LOXHD1: variants seen among roughly 807,000 people sequenced by gnomAD.
LOXHD1 encodes lipoxygenase homology domain-containing protein 1.
LOXHD1 carries 205 observed loss-of-function variants against 248.2 expected under a neutral mutation model. The observed-to-expected ratio is 0.83, with a 90% confidence interval of 0.74 to 0.93. The LOEUF is 0.93. Among genes scored for constraint, LOXHD1 ranks in the 40% least tolerant of loss-of-function variants. The probability of loss-of-function intolerance (pLI) is 0.00; values close to 1 mark genes in which losing one functional copy is unlikely to be tolerated. For missense variants in LOXHD1, 2,930 were observed against 2,971.6 expected (o/e 0.99, Z 0.33); for synonymous variants, 1,113 against 1,162.8 (o/e 0.96, Z 0.87).
At chr18:46,576,834 TGC>T (rs2037866280) in intron 14 of LOXHD1, among the ~76,000 whole-genome samples, 1 of 152,144 alleles carries the variant, frequency 6.6e-6, no homozygotes, top group Non-Finnish European at 1.5e-5. Context: ...CCTGTGTGTG[TGC>T]GCCTGTAGGC....
intron 34 of LOXHD1, among the ~76,000 whole-genome samples, chr18:46,514,490 C>T (rs1360476632): frequency 3.9e-5 from 6 of 152,184 alleles, no homozygotes. Context: ...AGCTTTATTG[C>T]TAAAAAGACT....
chr18:46,513,301 C>T (rs1480353877), intron 34 of LOXHD1, among the ~76,000 whole-genome samples: 2 of 152,178 alleles, frequency 1.3e-5, no homozygotes, highest in Non-Finnish European at 2.9e-5. Flanking sequence ...TGGATTGTAG[C>T]CCCTGTGGTA....
chr18:46,645,624 A>G (rs1393074661), intron 2 of LOXHD1, among the ~76,000 whole-genome samples: 1 of 152,118 alleles, frequency 6.6e-6, no homozygotes, highest in African/African-American at 2.4e-5. Flanking sequence ...GTGGGTGCTT[A>G]ACTGGGGTGG....
At chr18:46,647,085 T>C (rs1458018877) in intron 2 of LOXHD1, among the ~76,000 whole-genome samples, 1 of 152,206 alleles carries the variant, frequency 6.6e-6, no homozygotes, top group Non-Finnish European at 1.5e-5. Flanking sequence ...ATGGTCCATA[T>C]ATAGGCAGAG....
At chr18:46,591,823 G>C (rs895725678) in intron 12 of LOXHD1, 110 bp downstream of exon 12, 48 of 1,362,008 alleles carry the variant, frequency 3.5e-5, no homozygotes, top group Non-Finnish European at 4.7e-5. Flanking sequence ...GCACTCTAAG[G>C]GGCCTGAAGA....
At chr18:46,553,118 G>T (rs977361478) in intron 21 of LOXHD1, among the ~76,000 whole-genome samples, 2 of 152,114 alleles carry the variant, frequency 1.3e-5, no homozygotes, top group South Asian at 4.1e-4. Context: ...CCTTCACTTG[G>T]TAACAGTGTT....
At chr18:46,603,645 G>A (rs1230683097) in intron 7 of LOXHD1, among the ~76,000 whole-genome samples, 1 of 152,144 alleles carries the variant, frequency 6.6e-6, no homozygotes, top group Admixed American at 6.5e-5. Context: ...CCTTGGACAA[G>A]GCTCTTCCAT....
At chr18:46,544,363 G>T (rs1367163175) in intron 23 of LOXHD1, among the ~76,000 whole-genome samples, 1 of 152,196 alleles carries the variant, frequency 6.6e-6, no homozygotes, top group Non-Finnish European at 1.5e-5. Context: ...TCAAGAATTT[G>T]TCTAACACAT....
At chr18:46,656,418 G>A (rs990075628) in intron 1 of LOXHD1, among the ~76,000 whole-genome samples, 5 of 152,254 alleles carry the variant, frequency 3.3e-5, no homozygotes, top group African/African-American at 7.2e-5. Context: ...AGCACCGGCC[G>A]CCTTCGACAT....
chr18:46,548,571 G>A lies in LOXHD1; in HGVS notation c.3351-1513C>T, dbSNP rs540091865. Among the ~76,000 whole-genome samples the A allele has an allele frequency of 5.3e-5, 8 of 152,280 alleles. No individual in the cohort carries two copies. The South Asian group carries it at 1.7e-3, about 32-fold the overall frequency. ...AAAATGCACACTGTTCTGCTTCTTA[G>A]CCTTTAAATGTATGAATAGGAAAGT... On this transcript the variant is annotated intron_variant, in intron 21 of 40. Transcript: ENST00000642948.
intron 21 of LOXHD1, among the ~76,000 whole-genome samples, 152 bp from the exon 22 acceptor site, chr18:46,547,210 G>A (rs2036887687): frequency 6.6e-6 from 1 of 152,138 alleles, no homozygotes; most frequent in African/African-American, 2.4e-5. Flanking sequence ...TACCCAGCCT[G>A]GGAATCACTC....
intron 37 of LOXHD1, among the ~76,000 whole-genome samples, chr18:46,501,268 G>T (rs1007492647): frequency 3.9e-5 from 6 of 152,204 alleles, no homozygotes; most frequent in Non-Finnish European, 8.8e-5. Flanking sequence ...TGCCATGCAC[G>T]TTCTCAGATG....
chr18:46,542,047 T>G (rs10775482), intron 24 of LOXHD1, 107 bp from the exon 25 acceptor site: 12 of 1,048,740 alleles, frequency 1.1e-5, no homozygotes, highest in Admixed American at 1.1e-4. Flanking sequence ...CTGGCTGATA[T>G]CATTAACATG....
At chr18:46,565,976 G>C (rs1410735408) in intron 17 of LOXHD1, among the ~76,000 whole-genome samples, 1 of 152,146 alleles carries the variant, frequency 6.6e-6, no homozygotes, top group Admixed American at 6.5e-5. Context: ...CTCCTATACA[G>C]GGTTGAGTGT....
At chr18:46,484,050 T>G (rs1257684968) in intron 39 of LOXHD1, among the ~76,000 whole-genome samples, 1 of 151,172 alleles carries the variant, frequency 6.6e-6, no homozygotes. Context: ...AAGGGAAGAG[T>G]CCCCTGTAAC....
rs888398089 is a variant in LOXHD1 at position 46,551,707 on chromosome 18, A to G, written c.3351-4649T>C. Among the ~76,000 whole-genome samples the G allele has an allele frequency of 3.9e-5, 6 of 152,270 alleles. No homozygotes were observed. The South Asian group carries it at 6.2e-4, about 16-fold the overall frequency. The stretch of plus-strand genomic sequence containing the variant: ...AAATTTTCTGATATCACAATCTTGT[A>G]AAAAGATATCACAATCTTGTAAAAA... On this transcript the variant is annotated intron_variant, in intron 21 of 40. Coordinates refer to ENST00000642948, the MANE Select transcript of LOXHD1 (RefSeq NM_001384474.1).
chr18:46,648,993 C>T (rs551779038), intron 2 of LOXHD1, among the ~76,000 whole-genome samples, 162 bp downstream of exon 2: 43 of 152,276 alleles, frequency 2.8e-4, no homozygotes, highest in Admixed American at 2.4e-3. Flanking sequence ...CCGGGGGATC[C>T]CCAGCTGGTA....
intron 5 of LOXHD1, among the ~76,000 whole-genome samples, chr18:46,615,491 C>T (rs1399195859): frequency 2.0e-5 from 3 of 152,172 alleles, no homozygotes; most frequent in Non-Finnish European, 4.4e-5. Context: ...TCTTTAATTA[C>T]TTAGACATAT....
chr18:46,568,643 G>T (rs1464496795), intron 16 of LOXHD1, among the ~76,000 whole-genome samples: 1 of 152,110 alleles, frequency 6.6e-6, no homozygotes, highest in Non-Finnish European at 1.5e-5. Flanking sequence ...ACCCAGATGG[G>T]TTCCACAACC....
Sources: gnomAD v4.1 joint callset for allele counts (sites outside exome capture counted in the v4.1 genomes callset) on GRCh38, gnomAD v4.1.1 for gene constraint, MANE v1.5 for transcripts, NCBI Gene and HGNC (gene_info 2026-07-23, HGNC 2026-07-21) for gene names.